The following EMP2 variants were observed in gnomAD, a reference collection of about 807,000 sequenced individuals.
EMP2 encodes the protein epithelial membrane protein 2.
Under a neutral mutation model 13.7 loss-of-function variants are expected in EMP2, and 19 were observed. The observed-to-expected ratio is 1.38, with a 90% CI of 0.97 to 2.03. The LOEUF is 2.03. Ranked by LOEUF, EMP2 falls within the 30% of genes most tolerant of loss-of-function variation. EMP2 has a pLI of 0.00. For missense variants in EMP2, 253 were observed against 220.7 expected (o/e 1.15, Z -0.93); for synonymous variants, 97 against 84.7 (o/e 1.15, Z -0.80).
At chr16:10,546,612 C>A (rs772469098) in intron 2 of EMP2, 1 of 152,140 alleles carries the variant, frequency 6.6e-6, no homozygotes, top group African/African-American at 2.4e-5. Context: ...CAGAGGTCAC[C>A]TGGGATGGGT....
chr16:10,531,555 C>G lies in EMP2; in HGVS notation c.*1350G>C, dbSNP rs1290424115. On this transcript the variant is annotated 3_prime_UTR_variant, in exon 5 of 5. Transcript: ENST00000359543. The stretch of plus-strand genomic sequence containing the variant: ...ATTTTGGCCAGGCTGGTCTTGAACT[C>G]CTGACCTCAGGTGATCCACCCGCCT... 6.6e-6 allele frequency: 1 copy of G among 150,578 alleles called. No homozygotes were observed. The highest frequency in any genetic ancestry group is 2.4e-5 in the African/African-American group (1 of 41,236). 9.3% of individuals were successfully genotyped at this position (150,578 alleles called of 1,614,324 possible).
intron 1 of EMP2, among the ~76,000 whole-genome samples, chr16:10,569,737 G>C (rs1173974623): frequency 1.3e-5 from 2 of 152,188 alleles, no homozygotes; most frequent in African/African-American, 2.4e-5. Flanking sequence ...AACATCGCCT[G>C]TATGCTACAG....
At chr16:10,558,628 G>A (rs994490688) in intron 1 of EMP2, among the ~76,000 whole-genome samples, 3 of 152,076 alleles carry the variant, frequency 2.0e-5, no homozygotes, top group Non-Finnish European at 4.4e-5. Context: ...TGAGGTTCTC[G>A]TGGATAAATA....
In EMP2 at chr16:10,529,073, A is replaced by G. The variant is rs2050577460; in HGVS notation, c.*3832T>C. 1 of 152,204 alleles carries G rather than the reference A, an allele frequency of 6.6e-6. No homozygotes were observed. Among genetic ancestry groups the G allele is most frequent in the Non-Finnish European group, 1.5e-5 (1 of 68,030 alleles). The allele number at this position is 152,204 out of a possible 1,614,324, so 9.4% of individuals were successfully genotyped here. On this transcript the variant is annotated 3_prime_UTR_variant, in exon 5 of 5. Transcript: ENST00000359543. ...AACAAGTCAAGCATTCTCCAAACTC[A>G]TTTGAACAGAGACCCAAAATAATTT... is the stretch of plus-strand genomic sequence containing the variant.
At chr16:10,537,664 C>T (rs1270679393) in intron 4 of EMP2, among the ~76,000 whole-genome samples, 1 of 152,146 alleles carries the variant, frequency 6.6e-6, no homozygotes, top group Non-Finnish European at 1.5e-5. Flanking sequence ...CCTCCAGATC[C>T]TCTGGCTTCA....
chr16:10,553,334 T>C (rs1215202540), intron 1 of EMP2, among the ~76,000 whole-genome samples: 1 of 152,244 alleles, frequency 6.6e-6, no homozygotes, highest in Non-Finnish European at 1.5e-5. Flanking sequence ...ACTCCACGTT[T>C]CCGTGTGGCG....
intron 1 of EMP2, chr16:10,559,071 GCCAGGGAGGCTCTGGC>G (rs1251647148): frequency 3.9e-5 from 6 of 152,352 alleles, no homozygotes; most frequent in Non-Finnish European, 7.3e-5. Flanking sequence ...CGCTCCAACG[GCCAGGGAGGCTCTGGC>G]CCAGAACCCT....
At position 10,529,191 on chromosome 16, in the gene EMP2, C is replaced by T. The variant is rs1257406076; in HGVS notation, c.*3714G>A. On this transcript the variant is annotated 3_prime_UTR_variant, in exon 5 of 5. Coordinates refer to ENST00000359543, the MANE Select transcript of EMP2 (RefSeq NM_001424.6). Reference sequence around the variant, plus strand: ...CTTTATAAAAATGTCATAAAATGCGCAAACTACAGTTCCTTCAAATACAGT... The same window carrying T: ...CTTTATAAAAATGTCATAAAATGCGTAAACTACAGTTCCTTCAAATACAGT... 2.0e-5 allele frequency: 3 copies of T among 152,190 alleles called. No homozygotes were observed. Among genetic ancestry groups the T allele is most frequent in the Non-Finnish European group, 4.4e-5 (3 of 68,016 alleles). 9.4% of individuals were successfully genotyped at this position (152,190 alleles called of 1,614,324 possible). A position where few individuals can be genotyped will look rare whatever the true frequency, so the allele number is the denominator to read the frequency against.
intron 1 of EMP2, among the ~76,000 whole-genome samples, chr16:10,569,454 TC>T (rs1188684475): frequency 6.6e-6 from 1 of 152,186 alleles, no homozygotes; most frequent in Non-Finnish European, 1.5e-5. Context: ...TGCCTCAGCC[TC>T]CTACAGGTGC....
intron 3 of EMP2, among the ~76,000 whole-genome samples, chr16:10,542,872 G>A (rs1321810176): frequency 6.6e-6 from 1 of 152,184 alleles, no homozygotes; most frequent in African/African-American, 2.4e-5. Context: ...TTGAGACAGG[G>A]TCTCACTCTG....
rs937983032 is a variant in EMP2, at chr16:10,530,415, G to A, written c.*2490C>T. The A allele has an allele frequency of 1.0e-4, 16 of 152,720 alleles. No individual in the cohort carries two copies. The highest frequency in any genetic ancestry group is 3.9e-4 in the African/African-American group (16 of 41,540). 9.5% of individuals were successfully genotyped at this position (152,720 alleles called of 1,614,324 possible). On this transcript the variant is annotated 3_prime_UTR_variant, in exon 5 of 5. Transcript: ENST00000359543. ...ACCAGATGTCTCTTCAGCTCCACTGGAACTGAGCTGATGGCAAACCACCAC... is the reference window on the plus strand; with the variant it reads ...ACCAGATGTCTCTTCAGCTCCACTGAAACTGAGCTGATGGCAAACCACCAC...
At chr16:10,568,997 A>G (rs964622787) in intron 1 of EMP2, among the ~76,000 whole-genome samples, 4 of 152,140 alleles carry the variant, frequency 2.6e-5, no homozygotes, top group Admixed American at 2.6e-4. Flanking sequence ...CATGTTGGCC[A>G]GGCTGGTCTA....
chr16:10,561,596 G>A (rs2050871975), intron 1 of EMP2, among the ~76,000 whole-genome samples: 1 of 152,176 alleles, frequency 6.6e-6, no homozygotes, highest in Non-Finnish European at 1.5e-5. Flanking sequence ...GGCCGAATTG[G>A]CAACCACAGT....
At chr16:10,577,428 C>T (rs573253473) in intron 1 of EMP2, among the ~76,000 whole-genome samples, 152 of 152,242 alleles carry the variant, frequency 1.0e-3, no homozygotes, top group Non-Finnish European at 1.8e-3. Flanking sequence ...CTGGCCTGTC[C>T]CTAACAAGAG....
At chr16:10,537,078 C>A (rs1435702145) in intron 4 of EMP2, among the ~76,000 whole-genome samples, 2 of 152,168 alleles carry the variant, frequency 1.3e-5, no homozygotes, top group Admixed American at 6.5e-5. Flanking sequence ...TAGGGCCAAG[C>A]AGCCTAAGTT....
intron 1 of EMP2, among the ~76,000 whole-genome samples, chr16:10,551,529 C>A (rs938718853): frequency 2.0e-5 from 3 of 152,176 alleles, no homozygotes; most frequent in African/African-American, 7.2e-5. Flanking sequence ...GCCTCAGCCT[C>A]CCCAGTAGCT....
chr16:10,538,293 C>G (rs2050666803), intron 3 of EMP2, among the ~76,000 whole-genome samples: 1 of 152,184 alleles, frequency 6.6e-6, no homozygotes, highest in South Asian at 2.1e-4. Flanking sequence ...AATCCTCGAC[C>G]CCTTATCTGG....
chr16:10,556,990 A>T (rs1218643896), intron 1 of EMP2, among the ~76,000 whole-genome samples: 1 of 152,174 alleles, frequency 6.6e-6, no homozygotes, highest in Non-Finnish European at 1.5e-5. Context: ...CTGTGAAGGC[A>T]ACCTCTCTCT....
intron 1 of EMP2, among the ~76,000 whole-genome samples, chr16:10,556,382 G>A (rs1021578855): frequency 1.3e-5 from 2 of 152,164 alleles, no homozygotes; most frequent in African/African-American, 2.4e-5. Context: ...TCTTTGCAGT[G>A]CACATTCTCC....
Sources: gnomAD v4.1 joint callset for allele counts (sites outside exome capture counted in the v4.1 genomes callset) on GRCh38, gnomAD v4.1.1 for gene constraint, MANE v1.5 for transcripts, NCBI Gene and HGNC (gene_info 2026-07-23, HGNC 2026-07-21) for gene names.